STAU2: variants seen among roughly 807,000 people sequenced by gnomAD.
STAU2 encodes staufen double-stranded RNA binding protein 2.
A neutral mutation model predicts 65.9 loss-of-function variants in STAU2; 20 were observed. The observed-to-expected ratio is 0.30, with a 90% confidence interval of 0.21 to 0.44. The LOEUF (loss-of-function observed/expected upper bound fraction) is 0.44. STAU2 is among the 20% of genes least tolerant of loss of function. STAU2 has a pLI of 1.00. For missense variants in STAU2, 558 were observed against 683.9 expected, an observed-to-expected ratio of 0.82 and a Z score of 2.05; for synonymous variants, 232 against 233.9, an observed-to-expected ratio of 0.99 and a Z score of 0.07.
intron 13 of STAU2, among the ~76,000 whole-genome samples, chr8:73,475,929 T>C (rs1001230715): frequency 6.6e-6 from 1 of 152,214 alleles, no homozygotes; most frequent in African/African-American, 2.4e-5. Flanking sequence ...TGATATAAAA[T>C]TGACAATGTA....
At chr8:73,740,926 A>T (rs900898181) in intron 1 of STAU2, among the ~76,000 whole-genome samples, 2 of 148,660 alleles carry the variant, frequency 1.3e-5, no homozygotes, top group Non-Finnish European at 3.0e-5. Flanking sequence ...AAATGCTTGA[A>T]CCCAGGAGGC....
At chr8:73,661,055 T>A (rs1816796238) in intron 6 of STAU2, among the ~76,000 whole-genome samples, 2 of 152,212 alleles carry the variant, frequency 1.3e-5, no homozygotes, top group Admixed American at 6.6e-5. Flanking sequence ...TGAATTACTT[T>A]ATTAAAACCT....
At chr8:73,447,710 G>A (rs1390575361) in intron 13 of STAU2, among the ~76,000 whole-genome samples, 3 of 152,218 alleles carry the variant, frequency 2.0e-5, no homozygotes, top group African/African-American at 7.2e-5. Context: ...ACCACGAGGT[G>A]GAACCCCTGG....
At chr8:73,468,512 A>T (rs952425147) in intron 13 of STAU2, among the ~76,000 whole-genome samples, 3 of 152,224 alleles carry the variant, frequency 2.0e-5, no homozygotes, top group African/African-American at 7.2e-5. Flanking sequence ...ATCAGAGTGA[A>T]CAGGCAACCT....
intron 13 of STAU2, among the ~76,000 whole-genome samples, chr8:73,541,500 C>G (rs964988704): frequency 1.3e-5 from 2 of 152,132 alleles, no homozygotes; most frequent in African/African-American, 4.8e-5. Context: ...TGATGATCCA[C>G]AGTTGCAATA....
At chr8:73,491,387 A>T (rs748073078) in intron 13 of STAU2, among the ~76,000 whole-genome samples, 1 of 151,998 alleles carries the variant, frequency 6.6e-6, no homozygotes, top group Non-Finnish European at 1.5e-5. Flanking sequence ...TCAGCCATGA[A>T]TCAGACTTGT....
intron 13 of STAU2, among the ~76,000 whole-genome samples, chr8:73,530,331 A>C (rs1805729324): frequency 6.6e-6 from 1 of 152,192 alleles, no homozygotes; most frequent in African/African-American, 2.4e-5. Flanking sequence ...GAAGCTCTAG[A>C]GAGCTGCCAA....
At chr8:73,429,961 C>T (rs1817138371) in intron 13 of STAU2, among the ~76,000 whole-genome samples, 1 of 152,188 alleles carries the variant, frequency 6.6e-6, no homozygotes, top group South Asian at 2.1e-4. Flanking sequence ...GCTTCCAGCC[C>T]TGGGTTGACT....
chr8:73,611,197 A>G (rs1812430074), intron 9 of STAU2, among the ~76,000 whole-genome samples: 1 of 152,238 alleles, frequency 6.6e-6, no homozygotes, highest in East Asian at 1.9e-4. Context: ...ATTTACTGAC[A>G]TATTATAAGG....
At chr8:73,737,942 C>A (rs1184441947) in intron 3 of STAU2, among the ~76,000 whole-genome samples, 1 of 151,124 alleles carries the variant, frequency 6.6e-6, no homozygotes, top group Non-Finnish European at 1.5e-5. Context: ...CAAGATTTGT[C>A]ACTAAAAATG....
intron 13 of STAU2, among the ~76,000 whole-genome samples, chr8:73,504,956 C>G (rs1474376380): frequency 2.0e-5 from 3 of 152,062 alleles, no homozygotes; most frequent in Non-Finnish European, 2.9e-5. Flanking sequence ...TATTTTCTAT[C>G]CCTTGACTTT....
At chr8:73,434,297 C>G (rs116798916) in intron 13 of STAU2, among the ~76,000 whole-genome samples, 10 of 151,476 alleles carry the variant, frequency 6.6e-5, no homozygotes, top group African/African-American at 2.0e-4. Context: ...GTGGATTCTC[C>G]CCTAGAGCCT....
intron 11 of STAU2, among the ~76,000 whole-genome samples, chr8:73,589,909 A>C (rs1364501258): frequency 6.6e-6 from 1 of 151,936 alleles, no homozygotes; most frequent in Non-Finnish European, 1.5e-5. Flanking sequence ...TGAGGAAGGA[A>C]GAGAAGCAGG....
intron 13 of STAU2, among the ~76,000 whole-genome samples, chr8:73,531,222 C>T (rs1001683918): frequency 6.7e-6 from 1 of 149,504 alleles, no homozygotes; most frequent in Non-Finnish European, 1.5e-5. Flanking sequence ...GAATGGCTTG[C>T]AATGGAAGGG....
chr8:73,616,565 G>A lies in STAU2; in HGVS notation c.570+727C>T, dbSNP rs184823715. ...TGTAATCCCAGCATTTTAGGAGGCC[G>A]AGGCAGGCAAATCACGAGGTCAAGA... On this transcript the variant is annotated intron_variant, in intron 7 of 14. Coordinates refer to ENST00000524300, the MANE Select transcript of STAU2 (RefSeq NM_001164380.2). Among the ~76,000 whole-genome samples, 212 of 152,190 alleles carry A rather than the reference G, an allele frequency of 1.4e-3. 1 individual carries two copies. The highest frequency in any genetic ancestry group is 4.9e-3 in the African/African-American group (202 of 41,510).
chr8:73,553,430 T>C (rs1489726633), intron 12 of STAU2, among the ~76,000 whole-genome samples: 1 of 152,158 alleles, frequency 6.6e-6, no homozygotes, highest in African/African-American at 2.4e-5. Context: ...AATGGTTCCA[T>C]AAATAAAAAC....
At chr8:73,590,089 AG>A (rs1360616093) in intron 11 of STAU2, among the ~76,000 whole-genome samples, 8 of 149,680 alleles carry the variant, frequency 5.3e-5, no homozygotes, top group African/African-American at 2.0e-4. Context: ...AGAAGGAAGT[AG>A]GGGGAGAAGG....
At chr8:73,654,455 C>T (rs1816140194) in intron 6 of STAU2, among the ~76,000 whole-genome samples, 1 of 151,296 alleles carries the variant, frequency 6.6e-6, no homozygotes, top group Non-Finnish European at 1.5e-5. Context: ...AGTTTGAGAC[C>T]AGCCTGAGCA....
intron 6 of STAU2, among the ~76,000 whole-genome samples, chr8:73,664,224 A>T (rs1228437741): frequency 2.0e-5 from 3 of 152,038 alleles, no homozygotes; most frequent in Non-Finnish European, 4.4e-5. Flanking sequence ...GGGTTTGGTC[A>T]TGTTTCCCAG....
Sources: gnomAD v4.1 joint callset for allele counts (sites outside exome capture counted in the v4.1 genomes callset) on GRCh38, gnomAD v4.1.1 for gene constraint, MANE v1.5 for transcripts, NCBI Gene and HGNC (gene_info 2026-07-23, HGNC 2026-07-21) for gene names.